The following FER1L6 variants were observed in gnomAD, a reference collection of about 807,000 sequenced individuals.
The protein encoded by FER1L6 is fer-1-like protein 6.
In FER1L6, 177 loss-of-function variants were observed where a neutral mutation model predicts 219.2. That is an observed-to-expected ratio of 0.81 (90% CI 0.71 to 0.91). FER1L6 has a LOEUF of 0.91. Ranked by LOEUF, FER1L6 falls within the 40% of genes least tolerant of loss-of-function variation. The pLI is 0.00. For missense variants in FER1L6, 2,153 were observed against 2,259.9 expected, an observed-to-expected ratio of 0.95 and a Z score of 0.96; for synonymous variants, 768 against 824.3, an observed-to-expected ratio of 0.93 and a Z score of 1.17.
intron 18 of FER1L6, among the ~76,000 whole-genome samples, chr8:124,033,300 A>C (rs1210165498): frequency 6.6e-6 from 1 of 152,200 alleles, no homozygotes; most frequent in Non-Finnish European, 1.5e-5. Flanking sequence ...CAAATGGCAG[A>C]GGGATTGCTT....
At chr8:123,854,539 G>A (rs1816593700) in intron 1 of FER1L6, among the ~76,000 whole-genome samples, 3 of 152,194 alleles carry the variant, frequency 2.0e-5, no homozygotes, top group African/African-American at 7.2e-5. Flanking sequence ...GTCTATGATG[G>A]GGATTGGGAC....
intron 19 of FER1L6, chr8:124,036,419 C>T (rs1462686271): frequency 6.6e-6 from 1 of 152,220 alleles, no homozygotes; most frequent in Non-Finnish European, 1.5e-5. Context: ...TTGTGCCTTA[C>T]ACTTTATGCA....
At chr8:124,063,638 C>T (rs1820693052) in intron 25 of FER1L6, among the ~76,000 whole-genome samples, 1 of 152,152 alleles carries the variant, frequency 6.6e-6, no homozygotes, top group Non-Finnish European at 1.5e-5. Context: ...TCACTGGTTT[C>T]TTTGTGTCTA....
At chr8:123,880,195 A>G (rs2129658753) in intron 1 of FER1L6, among the ~76,000 whole-genome samples, 1 of 152,172 alleles carries the variant, frequency 6.6e-6, no homozygotes, top group East Asian at 1.9e-4. Flanking sequence ...CACTCTTCCC[A>G]GATGCTCTCC....
intron 1 of FER1L6, among the ~76,000 whole-genome samples, chr8:123,906,163 G>C (rs1812949316): frequency 6.6e-6 from 1 of 152,206 alleles, no homozygotes; most frequent in African/African-American, 2.4e-5. Flanking sequence ...CTGTAGGAAT[G>C]AATTCTCTGC....
rs1819155577 is a variant in FER1L6 at position 124,035,415 on chromosome 8, G to A, written c.2425G>A (p.Ala809Thr). The change falls in exon 19 of 41, where the codon GCT becomes ACT. Residue 809 changes from alanine (A) to threonine (T), a missense_variant. Ala to Thr is a moderately conservative substitution (Grantham distance 58). Coordinates refer to ENST00000522917, the MANE Select transcript of FER1L6 (RefSeq NM_001039112.2). The stretch of plus-strand genomic sequence containing the variant: ...TGAAGCAGAAATGTCCTCCAAAGGG[G>A]CTGGCACCAATCACCCCCCATCTAA... ...GYEAEMSSKG[A>T]GTNHPPSNLL... 7 of 1,613,682 alleles carry A rather than the reference G, an allele frequency of 4.3e-6. No individual in the cohort carries two copies. In the Admixed American group the frequency reaches 5.0e-5, roughly 12 times the overall value.
At chr8:123,930,588 C>T (rs1473555563) in intron 1 of FER1L6, among the ~76,000 whole-genome samples, 1 of 152,134 alleles carries the variant, frequency 6.6e-6, no homozygotes, top group African/African-American at 2.4e-5. Flanking sequence ...GACTAATCTC[C>T]TGTGCTCAGG....
intron 1 of FER1L6, among the ~76,000 whole-genome samples, chr8:123,910,034 T>C (rs572196528): frequency 6.6e-6 from 1 of 152,314 alleles, no homozygotes; most frequent in East Asian, 1.9e-4. Context: ...ACTTTGTTGT[T>C]GTTAGCAGTG....
chr8:123,929,284 G>T (rs1813680538), intron 1 of FER1L6, among the ~76,000 whole-genome samples: 1 of 152,168 alleles, frequency 6.6e-6, no homozygotes, highest in African/African-American at 2.4e-5. Flanking sequence ...TTCGTTTGGT[G>T]CTCTGGAGTT....
chr8:123,880,410 C>T (rs1311304414), intron 1 of FER1L6, among the ~76,000 whole-genome samples: 1 of 152,164 alleles, frequency 6.6e-6, no homozygotes, highest in Non-Finnish European at 1.5e-5. Context: ...CCAGTTTATT[C>T]AGTTGAGGTT....
At chr8:123,872,150 G>A (rs998662391) in intron 1 of FER1L6, among the ~76,000 whole-genome samples, 1 of 152,058 alleles carries the variant, frequency 6.6e-6, no homozygotes, top group African/African-American at 2.4e-5. Flanking sequence ...CATATCTTTC[G>A]AGAATTTACT....
At chr8:124,107,942 A>T (rs999063389) in intron 39 of FER1L6, among the ~76,000 whole-genome samples, 1 of 152,218 alleles carries the variant, frequency 6.6e-6, no homozygotes, top group East Asian at 1.9e-4. Flanking sequence ...GCATCAAAAA[A>T]TGCATGTCTG....
At chr8:123,969,920 A>G (rs1815721191) in intron 5 of FER1L6, 115 bp from the exon 6 acceptor site, 1 of 736,680 alleles carries the variant, frequency 1.4e-6, no homozygotes, top group South Asian at 1.5e-5. Context: ...TTGATGATGT[A>G]TATATATTCA....
chr8:123,927,091 G>A (rs1813591507), intron 1 of FER1L6, among the ~76,000 whole-genome samples: 1 of 151,444 alleles, frequency 6.6e-6, no homozygotes, highest in African/African-American at 2.4e-5. Flanking sequence ...CCCAACATTG[G>A]TGCTAGTAAG....
chr8:124,114,154 T>C (rs990590347), intron 39 of FER1L6, among the ~76,000 whole-genome samples: 1 of 152,178 alleles, frequency 6.6e-6, no homozygotes, highest in Non-Finnish European at 1.5e-5. Flanking sequence ...TCTCCATTTA[T>C]TGGTTGGCAT....
At chr8:124,118,482 C>T (rs1586367915) in intron 39 of FER1L6, among the ~76,000 whole-genome samples, 2 of 152,168 alleles carry the variant, frequency 1.3e-5, no homozygotes, top group South Asian at 4.1e-4. Flanking sequence ...CAGACTGTAT[C>T]GGATTCAAAA....
chr8:123,990,876 T>C (rs1480676674), intron 12 of FER1L6, among the ~76,000 whole-genome samples: 1 of 152,232 alleles, frequency 6.6e-6, no homozygotes, highest in Non-Finnish European at 1.5e-5. Flanking sequence ...CCTTGATCCA[T>C]CTTGAGTTGA....
chr8:123,983,061 A>G (rs539132476), intron 11 of FER1L6, among the ~76,000 whole-genome samples: 1 of 152,220 alleles, frequency 6.6e-6, no homozygotes, highest in Non-Finnish European at 1.5e-5. Flanking sequence ...TTTGAGGGGA[A>G]GATTAGCAAA....
intron 1 of FER1L6, among the ~76,000 whole-genome samples, chr8:123,900,293 G>T (rs1812834526): frequency 6.6e-6 from 1 of 152,048 alleles, no homozygotes; most frequent in South Asian, 2.1e-4. Flanking sequence ...TTGGTTCTCT[G>T]CTTGGTCGCT....
Sources: gnomAD v4.1 joint callset for allele counts (sites outside exome capture counted in the v4.1 genomes callset) on GRCh38, gnomAD v4.1.1 for gene constraint, MANE v1.5 for transcripts, NCBI Gene and HGNC (gene_info 2026-07-23, HGNC 2026-07-21) for gene names.